TAS2R1: variants seen among roughly 807,000 people sequenced by gnomAD.
TAS2R1 encodes the protein taste receptor type 2 member 1.
For missense variants in TAS2R1, 370 were observed against 353.4 expected, an observed-to-expected ratio of 1.05 and a Z score of -0.38; for synonymous variants, 141 against 134.2, an observed-to-expected ratio of 1.05 and a Z score of -0.35.
intron 2 of TAS2R1, among the ~76,000 whole-genome samples, chr5:9,644,316 T>C (rs984210401): frequency 6.6e-6 from 1 of 152,098 alleles, no homozygotes; most frequent in African/African-American, 2.4e-5. Flanking sequence ...AGGCATGTTG[T>C]TAGCTTAAAT....
the TAS2R1 span, among the ~76,000 whole-genome samples, chr5:9,802,898 G>T: frequency 6.6e-6 from 1 of 152,020 alleles, no homozygotes; most frequent in African/African-American, 2.4e-5. Context: ...GCGAGACTCC[G>T]TCTAAAAATA....
At chr5:9,719,929 AAAAAAAAAAC>A in the TAS2R1 span, among the ~76,000 whole-genome samples, 101 of 140,178 alleles carry the variant, frequency 7.2e-4, no homozygotes, top group Middle Eastern at 3.8e-3. Flanking sequence ...AAAAAAAAAA[AAAAAAAAAAC>A]AAAAACAAAA....
At chr5:9,635,969 T>TC in intron 2 of TAS2R1, among the ~76,000 whole-genome samples, 1 of 152,166 alleles carries the variant, frequency 6.6e-6, no homozygotes, top group East Asian at 1.9e-4. Context: ...TTCTTTTTTT[T>TC]CTGCCAGGTT....
At chr5:9,756,628 CA>C in the TAS2R1 span, among the ~76,000 whole-genome samples, 1 of 152,086 alleles carries the variant, frequency 6.6e-6, no homozygotes, top group Non-Finnish European at 1.5e-5. Flanking sequence ...TCTTTTCATA[CA>C]GTAAGAAAGT....
rs10681888 is a variant in TAS2R1 at position 9,681,531 on chromosome 5, C to CAAAAAAAAAAA, written c.-241-21961_-241-21951dup. Among the ~76,000 whole-genome samples, 17 of 87,882 alleles carry CAAAAAAAAAAA rather than the reference C, an allele frequency of 1.9e-4. 1 individual carries two copies. The highest frequency in any genetic ancestry group is 7.8e-4 in the East Asian group (2 of 2,554). The allele number at this position is 87,882 out of a possible 152,430, so 57.7% of individuals were successfully genotyped here. A position where few individuals can be genotyped will look rare whatever the true frequency, so the allele number is the denominator to read the frequency against. On this transcript the variant is annotated intron_variant, in intron 1 of 2. Coordinates refer to the TAS2R1 transcript ENST00000506620. ...TTTCAGGGGACTTCTCATGTTTCTG[C>CAAAAAAAAAAA]AAAAAAAAAAAAAAAAAAAGATGCC...
chr5:9,749,511 A>G, the TAS2R1 span, among the ~76,000 whole-genome samples: 2 of 152,238 alleles, frequency 1.3e-5, no homozygotes, highest in Non-Finnish European at 2.9e-5. Context: ...AGGAATGAAC[A>G]GGAATGTTAA....
chr5:9,818,633 A>G, the TAS2R1 span, among the ~76,000 whole-genome samples: 1 of 152,302 alleles, frequency 6.6e-6, no homozygotes, highest in African/African-American at 2.4e-5. Context: ...CCAGCACAGC[A>G]TGCTTCAAAA....
At chr5:9,886,480 C>T in the TAS2R1 span, among the ~76,000 whole-genome samples, 2 of 151,826 alleles carry the variant, frequency 1.3e-5, no homozygotes, top group South Asian at 4.2e-4. Flanking sequence ...TACAGTTGCC[C>T]ACCACCATGC....
chr5:9,834,577 A>T, the TAS2R1 span, among the ~76,000 whole-genome samples: 1 of 152,150 alleles, frequency 6.6e-6, no homozygotes, highest in Non-Finnish European at 1.5e-5. Flanking sequence ...TTAAAGATCA[A>T]ATAGAGCAAA....
At chr5:9,776,458 G>T in the TAS2R1 span, among the ~76,000 whole-genome samples, 1 of 152,166 alleles carries the variant, frequency 6.6e-6, no homozygotes, top group Non-Finnish European at 1.5e-5. Context: ...TTTTTGTGTG[G>T]ACAGTTGTTT....
intron 1 of TAS2R1, among the ~76,000 whole-genome samples, chr5:9,665,621 C>T (rs1467981991): frequency 1.3e-5 from 2 of 152,202 alleles, no homozygotes; most frequent in Non-Finnish European, 2.9e-5. Context: ...ATGTCTAAGA[C>T]CACAGCCTCT....
intron 1 of TAS2R1, among the ~76,000 whole-genome samples, chr5:9,684,876 G>C (rs188968985): frequency 2.6e-5 from 4 of 152,190 alleles, no homozygotes; most frequent in Admixed American, 2.6e-4. Flanking sequence ...AAAAAGACAA[G>C]CTTTGAAATC....
chr5:9,711,048 T>C (rs866400761), intron 1 of TAS2R1, among the ~76,000 whole-genome samples: 2 of 150,890 alleles, frequency 1.3e-5, no homozygotes, highest in Admixed American at 6.6e-5. Context: ...CCCTTGTGCA[T>C]TGTTGATGGG....
the TAS2R1 span, among the ~76,000 whole-genome samples, chr5:9,805,967 G>A: frequency 6.6e-6 from 1 of 152,088 alleles, no homozygotes; most frequent in African/African-American, 2.4e-5. Context: ...GTGACTGTTT[G>A]CTGACGACAT....
chr5:9,797,227 T>C, the TAS2R1 span, among the ~76,000 whole-genome samples: 1 of 152,180 alleles, frequency 6.6e-6, no homozygotes, highest in Non-Finnish European at 1.5e-5. Context: ...ATGTTGATTG[T>C]TGTGACTGGA....
At chr5:9,821,320 C>A in the TAS2R1 span, among the ~76,000 whole-genome samples, 1 of 152,176 alleles carries the variant, frequency 6.6e-6, no homozygotes, top group South Asian at 2.1e-4. Context: ...ACCACCACCC[C>A]CTTCTTCTTC....
chr5:9,681,409 G>A (rs1383629408), intron 1 of TAS2R1, among the ~76,000 whole-genome samples: 1 of 150,778 alleles, frequency 6.6e-6, no homozygotes, highest in Non-Finnish European at 1.5e-5. Context: ...GCCCTTTAAT[G>A]TTTCCTATTA....
chr5:9,856,518 G>T, the TAS2R1 span, among the ~76,000 whole-genome samples: 1 of 152,206 alleles, frequency 6.6e-6, no homozygotes, highest in Admixed American at 6.5e-5. Flanking sequence ...AAGAAAGAGT[G>T]TTCCTACCAA....
chr5:9,718,096 A>G, the TAS2R1 span, among the ~76,000 whole-genome samples: 32 of 150,648 alleles, frequency 2.1e-4, no homozygotes, highest in Non-Finnish European at 4.3e-4. Context: ...AGTAGCTGGG[A>G]CCACAGGCAC....
Sources: allele counts gnomAD v4.1 joint callset (sites outside exome capture counted in the v4.1 genomes callset), GRCh38; gene constraint gnomAD v4.1.1; transcripts MANE v1.5; gene names NCBI Gene and HGNC (gene_info 2026-07-23, HGNC 2026-07-21).